The following DLG2 variants were observed in gnomAD, a reference collection of about 807,000 sequenced individuals.
DLG2 encodes the protein disks large homolog 2.
A neutral mutation model predicts 132.5 loss-of-function variants in DLG2; 45 were observed. That is an observed-to-expected ratio of 0.34 (90% CI 0.27 to 0.44). DLG2 has a LOEUF of 0.44. DLG2 is among the 20% of genes least tolerant of loss of function. The pLI, the probability that DLG2 is intolerant of heterozygous loss-of-function variation, is 1.00. For synonymous variants in DLG2, 424 were observed against 419.6 expected, an observed-to-expected ratio of 1.01 and a Z score of -0.13; for missense variants, 1,045 against 1,196.9, an observed-to-expected ratio of 0.87 and a Z score of 1.87.
At chr11:84,163,677 A>C (rs1399239571) in intron 8 of DLG2, among the ~76,000 whole-genome samples, 166 bp from the exon 9 acceptor site, 2 of 152,144 alleles carry the variant, frequency 1.3e-5, no homozygotes, top group African/African-American at 4.8e-5. Flanking sequence ...AACATAATCT[A>C]TGCTATTCTA....
At chr11:85,485,721 GC>G (rs1173565533) in intron 3 of DLG2, among the ~76,000 whole-genome samples, 1 of 152,138 alleles carries the variant, frequency 6.6e-6, no homozygotes, top group Non-Finnish European at 1.5e-5. Context: ...GAACCTCTTG[GC>G]CCACAGACCT....
chr11:84,452,359 C>T (rs974997727), intron 7 of DLG2, among the ~76,000 whole-genome samples: 1 of 151,550 alleles, frequency 6.6e-6, no homozygotes. Flanking sequence ...CTACTGTGGG[C>T]AATCTGGCTT....
intron 2 of DLG2, among the ~76,000 whole-genome samples, chr11:85,619,508 T>TA (rs965978987): frequency 0.014 from 2,037 of 149,594 alleles, 49 homozygotes; most frequent in African/African-American, 0.046. Context: ...GTGAAGAGAT[T>TA]AAAAAAAAAA....
chr11:84,354,544 A>C (rs951696896), intron 7 of DLG2, among the ~76,000 whole-genome samples: 2 of 152,144 alleles, frequency 1.3e-5, no homozygotes, highest in East Asian at 3.9e-4. Flanking sequence ...AAAAATATGA[A>C]TATTTCTTAT....
chr11:83,479,374 CGG>C (rs67710156), intron 22 of DLG2, among the ~76,000 whole-genome samples: 4 of 151,182 alleles, frequency 2.6e-5, no homozygotes, highest in Admixed American at 1.3e-4. Context: ...CATGCTATAA[CGG>C]GGGGGGGAAA....
At chr11:85,084,341 T>C (rs2067629628) in intron 6 of DLG2, among the ~76,000 whole-genome samples, 1 of 152,090 alleles carries the variant, frequency 6.6e-6, no homozygotes, top group African/African-American at 2.4e-5. Context: ...GTGGTACAGA[T>C]GCAGGCATCT....
intron 4 of DLG2, among the ~76,000 whole-genome samples, chr11:85,208,231 C>G (rs2082031817): frequency 6.6e-6 from 1 of 152,064 alleles, no homozygotes. Flanking sequence ...TAGACTCTGA[C>G]TCCAAAGCCC....
intron 3 of DLG2, among the ~76,000 whole-genome samples, chr11:85,484,679 T>G (rs981732305): frequency 2.6e-5 from 4 of 151,916 alleles, no homozygotes; most frequent in African/African-American, 4.8e-5. Context: ...TTAGAATGGC[T>G]ATCATTAAAA....
chr11:85,596,439 G>C (rs1271855142), intron 3 of DLG2, among the ~76,000 whole-genome samples: 1 of 152,176 alleles, frequency 6.6e-6, no homozygotes, highest in Non-Finnish European at 1.5e-5. Context: ...TCTGTAGAGA[G>C]AGGGACTGGC....
rs151300778 is a variant in DLG2, at chr11:84,639,908, C to G, written c.358-105177G>C. The G allele has an allele frequency of 6.8e-5, 12 of 176,180 alleles. No homozygotes were observed. The South Asian group carries it at 1.3e-3, about 20-fold the overall frequency. The allele number at this position is 176,180 out of a possible 1,614,324, so 10.9% of individuals were successfully genotyped here. A position where few individuals can be genotyped will look rare whatever the true frequency, so the allele number is the denominator to read the frequency against. On this transcript the variant is annotated intron_variant, in intron 6 of 27. Coordinates refer to ENST00000376104, the MANE Select transcript of DLG2 (RefSeq NM_001142699.3). ...ATAGAATTTCCTCATCATCCCCATT[C>G]TATTAATTTCCTGAAGATAATAAGC...
At chr11:83,576,508 G>C (rs554874784) in intron 19 of DLG2, among the ~76,000 whole-genome samples, 6 of 151,988 alleles carry the variant, frequency 3.9e-5, no homozygotes, top group Admixed American at 3.9e-4. Context: ...CTAATAAAAA[G>C]AAAAAATTTA....
At chr11:84,923,717 C>T in intron 6 of DLG2, 1 of 367,736 alleles carries the variant, frequency 2.7e-6, no homozygotes, top group Non-Finnish European at 3.8e-6. Flanking sequence ...TCTGCTTCTC[C>T]ATGTGGAACA....
chr11:85,174,208 C>T (rs1203175454), intron 4 of DLG2, among the ~76,000 whole-genome samples: 1 of 152,156 alleles, frequency 6.6e-6, no homozygotes, highest in Non-Finnish European at 1.5e-5. Context: ...CAAAATTGAT[C>T]ACATAAATGG....
At chr11:85,103,889 A>C (rs984902630) in intron 6 of DLG2, among the ~76,000 whole-genome samples, 3 of 151,936 alleles carry the variant, frequency 2.0e-5, no homozygotes, top group African/African-American at 7.2e-5. Flanking sequence ...AGACAAAAGC[A>C]TTAAAAATCG....
chr11:84,749,647 A>C (rs552307772), intron 6 of DLG2, among the ~76,000 whole-genome samples: 19 of 152,226 alleles, frequency 1.2e-4, no homozygotes, highest in African/African-American at 4.3e-4. Context: ...ACAACAGTGA[A>C]ATTGCCTAAT....
chr11:83,971,067 G>A (rs557600965), intron 12 of DLG2, among the ~76,000 whole-genome samples: 2 of 152,130 alleles, frequency 1.3e-5, no homozygotes, highest in Non-Finnish European at 2.9e-5. Flanking sequence ...AATGAGAAGG[G>A]ACATTACACT....
intron 6 of DLG2, among the ~76,000 whole-genome samples, chr11:84,907,422 G>A (rs991372323): frequency 9.2e-5 from 14 of 152,156 alleles, no homozygotes; most frequent in Non-Finnish European, 1.9e-4. Context: ...GGGAGTCTGT[G>A]AGAGTTTTCC....
At chr11:85,389,122 T>C (rs2086590709) in intron 3 of DLG2, among the ~76,000 whole-genome samples, 1 of 151,938 alleles carries the variant, frequency 6.6e-6, no homozygotes, top group Non-Finnish European at 1.5e-5. Flanking sequence ...AGGATAGGAA[T>C]GGAAAAATCT....
intron 19 of DLG2, among the ~76,000 whole-genome samples, chr11:83,557,651 T>G (rs17145539): frequency 0.016 from 2,448 of 152,266 alleles, 66 homozygotes; most frequent in African/African-American, 0.056. Context: ...TGTTTCATCT[T>G]TGAGTTTTAG....
Sources: allele counts gnomAD v4.1 joint callset (sites outside exome capture counted in the v4.1 genomes callset), GRCh38; gene constraint gnomAD v4.1.1; transcripts MANE v1.5; gene names NCBI Gene and HGNC (gene_info 2026-07-23, HGNC 2026-07-21).